CMTM8: variants seen among roughly 807,000 people sequenced by gnomAD.
The protein encoded by CMTM8 is CKLF like MARVEL transmembrane domain containing 8, also known as CKLF-like MARVEL transmembrane domain-containing protein 8.
In CMTM8, 12 loss-of-function variants were observed where a neutral mutation model predicts 18.6. The observed-to-expected ratio is 0.65, with a 90% CI of 0.41 to 1.05. The LOEUF is 1.05. Among genes scored for constraint, CMTM8 ranks in the 50% least tolerant of loss-of-function variants. The pLI, the probability that CMTM8 is intolerant of heterozygous loss-of-function variation, is 0.00. For synonymous variants in CMTM8, 87 were observed against 90.6 expected (o/e 0.96, Z 0.23); for missense variants, 217 against 227.2 (o/e 0.95, Z 0.29).
intron 1 of CMTM8, among the ~76,000 whole-genome samples, chr3:32,275,361 T>A (rs1702500762): frequency 6.6e-6 from 1 of 152,184 alleles, no homozygotes; most frequent in African/African-American, 2.4e-5. Flanking sequence ...TGGCTTTGAG[T>A]CTTGGCCCTG....
intron 1 of CMTM8, among the ~76,000 whole-genome samples, chr3:32,320,717 C>A (rs1471691528): frequency 6.6e-6 from 1 of 152,108 alleles, no homozygotes. Flanking sequence ...TTATTTTTAT[C>A]TTTTTCTTGG....
At chr3:32,263,067 T>C (rs1483647189) in intron 1 of CMTM8, among the ~76,000 whole-genome samples, 2 of 151,508 alleles carry the variant, frequency 1.3e-5, no homozygotes, top group Non-Finnish European at 2.9e-5. Flanking sequence ...AGAAGACAGA[T>C]GATTTCTGCA....
chr3:32,361,723 A>T (rs1438522010), intron 2 of CMTM8, among the ~76,000 whole-genome samples: 3 of 152,118 alleles, frequency 2.0e-5, no homozygotes, highest in Non-Finnish European at 4.4e-5. Context: ...GTAGAAAGTG[A>T]CCTATATCCA....
chr3:32,357,424 G>A lies in CMTM8; in HGVS notation c.199G>A (p.Val67Ile), dbSNP rs1575094300. 6.2e-7 allele frequency: 1 copy of A among 1,613,916 alleles called. No homozygotes were observed. Among genetic ancestry groups the A allele is most frequent in the Non-Finnish European group, 8.5e-7 (1 of 1,180,000 alleles). ...TATTGCTGGAACTGAGTACTTCCGG[G>A]TCCCCGCATTTGGCTGGGTCATGTT... ...TLIAGTEYFR[V>I]PAFGWVMFVA... The change falls in exon 2 of 4, where the codon GTC becomes ATC. Residue 67 changes from valine to isoleucine, a missense_variant. By Grantham distance (29) the Val-to-Ile change is conservative. Coordinates refer to ENST00000307526, the MANE Select transcript of CMTM8 (RefSeq NM_178868.5).
chr3:32,267,280 C>T (rs2125541410), intron 1 of CMTM8, among the ~76,000 whole-genome samples: 1 of 152,164 alleles, frequency 6.6e-6, no homozygotes, highest in East Asian at 1.9e-4. Flanking sequence ...AGAACAGAGC[C>T]CTCAGAAATA....
At chr3:32,326,480 A>G (rs993467412) in intron 1 of CMTM8, among the ~76,000 whole-genome samples, 2 of 149,880 alleles carry the variant, frequency 1.3e-5, no homozygotes, top group African/African-American at 4.9e-5. Flanking sequence ...CTGGAGTACA[A>G]CTGCTTACAC....
intron 1 of CMTM8, among the ~76,000 whole-genome samples, chr3:32,325,663 G>C (rs878969726): frequency 1.3e-5 from 2 of 152,150 alleles, no homozygotes; most frequent in African/African-American, 4.8e-5. Flanking sequence ...TTTGTGAGCT[G>C]TCTCCTCCCC....
chr3:32,331,813 AT>A lies in CMTM8; in HGVS notation c.148-25559del, dbSNP rs1394973015. On this transcript the variant is annotated intron_variant, in intron 1 of 3. Coordinates refer to ENST00000307526, the MANE Select transcript of CMTM8 (RefSeq NM_178868.5). ...TCAAATACTGCATGCTTTCACTTAT[AT>A]AAGGTATCTAAAGTAATCAAACTCC... is the stretch of plus-strand genomic sequence containing the variant. Among the ~76,000 whole-genome samples, 3 of 152,326 alleles carry A rather than the reference AT, an allele frequency of 2.0e-5. No individual in the cohort carries two copies. In the East Asian group the frequency reaches 5.8e-4, roughly 29 times the overall value.
intron 1 of CMTM8, among the ~76,000 whole-genome samples, chr3:32,263,374 C>A (rs1358689909): frequency 6.6e-6 from 1 of 152,194 alleles, no homozygotes; most frequent in Non-Finnish European, 1.5e-5. Context: ...CTCCAACAGA[C>A]CTGCAGCTGA....
chr3:32,263,905 G>C (rs925564516), intron 1 of CMTM8, among the ~76,000 whole-genome samples: 2 of 152,164 alleles, frequency 1.3e-5, no homozygotes, highest in Non-Finnish European at 2.9e-5. Flanking sequence ...AGAGAAAAAA[G>C]AATAAAAAGA....
intron 1 of CMTM8, among the ~76,000 whole-genome samples, chr3:32,319,076 T>TATATATA (rs1275408606): frequency 1.2e-3 from 24 of 19,656 alleles, no homozygotes; most frequent in South Asian, 2.9e-3. Context: ...ATATATATAT[T>TATATATA]TTTTTTTTTT....
chr3:32,285,229 C>A (rs2125552411), intron 1 of CMTM8, among the ~76,000 whole-genome samples: 1 of 152,248 alleles, frequency 6.6e-6, no homozygotes, highest in African/African-American at 2.4e-5. Flanking sequence ...AATAGTGGTG[C>A]AGTGGCTGGG....
At chr3:32,345,266 G>C (rs1192956548) in intron 1 of CMTM8, among the ~76,000 whole-genome samples, 2 of 152,060 alleles carry the variant, frequency 1.3e-5, no homozygotes, top group African/African-American at 4.8e-5. Flanking sequence ...AAGGTAGGAA[G>C]ATCACCTGAG....
intron 1 of CMTM8, among the ~76,000 whole-genome samples, chr3:32,352,182 A>AAC (rs71068042): frequency 1.2e-4 from 7 of 57,354 alleles, no homozygotes; most frequent in African/African-American, 4.5e-4. Context: ...TCTGAAAAAA[A>AAC]ACACACACAC....
intron 1 of CMTM8, among the ~76,000 whole-genome samples, chr3:32,323,765 A>G (rs939669505): frequency 5.9e-5 from 9 of 152,254 alleles, no homozygotes; most frequent in African/African-American, 2.2e-4. Context: ...GAAGGTACAG[A>G]TTCTGCCTCT....
At chr3:32,249,387 G>C (rs1702085938) in intron 1 of CMTM8, among the ~76,000 whole-genome samples, 1 of 150,366 alleles carries the variant, frequency 6.7e-6, no homozygotes, top group South Asian at 2.1e-4. Flanking sequence ...CTGAGATTGT[G>C]CCACTGCACT....
chr3:32,362,057 TGGAGA>T (rs1559390386), intron 2 of CMTM8, among the ~76,000 whole-genome samples: 2 of 149,094 alleles, frequency 1.3e-5, no homozygotes, highest in African/African-American at 2.5e-5. Context: ...TTTTTTTTTT[TGGAGA>T]TGGAGTCTTA....
chr3:32,328,820 A>G (rs1206061841), intron 1 of CMTM8, among the ~76,000 whole-genome samples: 1 of 152,160 alleles, frequency 6.6e-6, no homozygotes, highest in Non-Finnish European at 1.5e-5. Flanking sequence ...TAACTAGTAA[A>G]AAGATGGAAT....
At chr3:32,247,368 G>A (rs529481216) in intron 1 of CMTM8, among the ~76,000 whole-genome samples, 54 of 152,104 alleles carry the variant, frequency 3.6e-4, no homozygotes, top group African/African-American at 1.2e-3. Flanking sequence ...GCTGGAGGGC[G>A]GTGGCACAAT....
Sources: gnomAD v4.1 joint callset for allele counts (sites outside exome capture counted in the v4.1 genomes callset) on GRCh38, gnomAD v4.1.1 for gene constraint, MANE v1.5 for transcripts, NCBI Gene and HGNC (gene_info 2026-07-23, HGNC 2026-07-21) for gene names.